ROCK2: variants seen among roughly 807,000 people sequenced by gnomAD.
ROCK2 encodes Rho associated coiled-coil containing protein kinase 2, also known as rho-associated protein kinase 2.
A neutral mutation model predicts 195.1 loss-of-function variants in ROCK2; 61 were observed. The ratio of observed to expected loss-of-function variants is 0.31; its 90% CI spans 0.25 to 0.39. ROCK2 has a LOEUF of 0.39. Among genes scored for constraint, ROCK2 ranks in the 10% least tolerant of loss-of-function variants. The pLI is 1.00. For missense variants in ROCK2, 1,109 were observed against 1,637.4 expected, an observed-to-expected ratio of 0.68 and a Z score of 5.57; for synonymous variants, 504 against 545.5, an observed-to-expected ratio of 0.92 and a Z score of 1.06.
chr2:11,289,123 A>T (rs1291767641), intron 1 of ROCK2, among the ~76,000 whole-genome samples: 3 of 152,178 alleles, frequency 2.0e-5, no homozygotes, highest in East Asian at 3.8e-4. Flanking sequence ...TATCCCACTG[A>T]TATCTAATAC....
chr2:11,336,191 A>G (rs1018667998), intron 1 of ROCK2, among the ~76,000 whole-genome samples: 2 of 152,196 alleles, frequency 1.3e-5, no homozygotes, highest in African/African-American at 4.8e-5. Flanking sequence ...AATAAAATCT[A>G]TGTTTCCCTC....
intron 1 of ROCK2, among the ~76,000 whole-genome samples, chr2:11,303,872 T>C (rs1382540184): frequency 6.6e-6 from 1 of 152,216 alleles, no homozygotes; most frequent in Admixed American, 6.5e-5. Context: ...ACTTGACCTA[T>C]AAACATCTTT....
At chr2:11,286,451 T>G in intron 3 of ROCK2, 88 bp downstream of exon 3, 1 of 808,976 alleles carries the variant, frequency 1.2e-6, no homozygotes, top group Non-Finnish European at 2.0e-6. Context: ...TGGGTGGGCA[T>G]AGAAATTAGA....
At chr2:11,315,802 T>C (rs2148238223) in intron 1 of ROCK2, among the ~76,000 whole-genome samples, 1 of 152,232 alleles carries the variant, frequency 6.6e-6, no homozygotes, top group African/African-American at 2.4e-5. Flanking sequence ...AAGTACATTA[T>C]TAAATTACAT....
In ROCK2 at chr2:11,211,780, C is replaced by G; in HGVS notation, c.2104G>C (p.Glu702Gln). Residue 702 changes from glutamate (E) to glutamine (Q), a missense_variant, in exon 18 of 33, where the codon GAA becomes CAA. Physicochemically the swap from Glu to Gln is conservative, Grantham distance 29. Transcript: ENST00000315872. ...YQLKVIQQSL[E>Q]QEEAEHKATK... ...GCCTTATGTTCAGCTTCTTCTTGTT[C>G]TAGGCTCTGCTGTATAACTTTTAGT... is the stretch of plus-strand genomic sequence containing the variant. 1 of 1,613,086 alleles carries G rather than the reference C, an allele frequency of 6.2e-7. No individual in the cohort carries two copies. Among genetic ancestry groups the G allele is most frequent in the Non-Finnish European group, 8.5e-7 (1 of 1,179,568 alleles).
At chr2:11,263,234 T>C (rs1198432006) in intron 3 of ROCK2, among the ~76,000 whole-genome samples, 1 of 152,196 alleles carries the variant, frequency 6.6e-6, no homozygotes. Context: ...TAAAAGCCAG[T>C]GGATGCCCAG....
chr2:11,201,237 G>A lies in ROCK2; in HGVS notation c.2723+73C>T, dbSNP rs778969061. The A allele has an allele frequency of 4.0e-6, 6 of 1,509,854 alleles. No homozygotes were observed. The Admixed American group carries it at 7.5e-5, about 19-fold the overall frequency. 93.5% of individuals were successfully genotyped at this position (1,509,854 alleles called of 1,614,324 possible). A position where few individuals can be genotyped will look rare whatever the true frequency, so the allele number is the denominator to read the frequency against. The stretch of plus-strand genomic sequence containing the variant: ...CACTTCATCAATAATTTTTTATTTG[G>A]TGATTACCAGGCATTGTTCTAGGAG... On this transcript the variant is annotated intron_variant, in intron 22 of 32. Coordinates refer to ENST00000315872, the MANE Select transcript of ROCK2 (RefSeq NM_004850.5). This position sits in a 1 kb window ranked among gnomAD's most constrained non-coding sequence, Gnocchi z 4.6.
Position 11,181,269 on chromosome 2 carries a change from T to C in ROCK2, c.*2168A>G, listed in dbSNP as rs1025674769. 2.7e-5 allele frequency: 4 copies of C among 149,408 alleles called. No homozygotes were observed. The highest frequency in any genetic ancestry group is 7.3e-5 in the African/African-American group (3 of 41,010). 9.3% of individuals were successfully genotyped at this position (149,408 alleles called of 1,614,324 possible). ...AATGTAACAAAATCTTTATATAAAA[T>C]ATTAATTCAGTCTCCTTTTAACAAC... On this transcript the variant is annotated 3_prime_UTR_variant, in exon 33 of 33. Coordinates refer to ENST00000315872, the MANE Select transcript of ROCK2 (RefSeq NM_004850.5).
At chr2:11,210,181 T>C (rs1293689715) in intron 18 of ROCK2, among the ~76,000 whole-genome samples, 2 of 152,146 alleles carry the variant, frequency 1.3e-5, no homozygotes, top group East Asian at 1.9e-4. Flanking sequence ...TTGAAAAAAA[T>C]GGTAGTTAAT....
Position 11,216,226 on chromosome 2 carries a change from A to T in ROCK2, c.1413-20T>A. 1 of 1,503,912 alleles carries T rather than the reference A, an allele frequency of 6.6e-7. No individual in the cohort carries two copies. The highest frequency in any genetic ancestry group is 1.7e-4 in the Middle Eastern group (1 of 5,816). The allele number at this position is 1,503,912 out of a possible 1,614,324, so 93.2% of individuals were successfully genotyped here. ...ACAGATCTAAAGAATTTCAGAAAGA[A>T]ACAGTAAATAACTTCTAATTTACAA... is the stretch of plus-strand genomic sequence containing the variant. On this transcript the variant is annotated intron_variant, in intron 12 of 32. Transcript: ENST00000315872.
At chr2:11,305,680 TTG>T (rs1271680687) in intron 1 of ROCK2, among the ~76,000 whole-genome samples, 1 of 152,196 alleles carries the variant, frequency 6.6e-6, no homozygotes, top group Non-Finnish European at 1.5e-5. Flanking sequence ...TTGTAGCATC[TTG>T]TGCCAAAAAG....
chr2:11,321,310 G>A (rs893207942), intron 1 of ROCK2, among the ~76,000 whole-genome samples: 13 of 151,934 alleles, frequency 8.6e-5, no homozygotes, highest in African/African-American at 2.9e-4. Context: ...CGAGTAGCTG[G>A]AACTACAGGT....
rs1663839028 is a variant in ROCK2 at position 11,201,217 on chromosome 2, CA to C, written c.2724-75del. On this transcript the variant is annotated intron_variant, in intron 22 of 32. Coordinates refer to ENST00000315872, the MANE Select transcript of ROCK2 (RefSeq NM_004850.5). This position sits in a 1 kb window ranked among gnomAD's most constrained non-coding sequence, Gnocchi z 4.6. Reference sequence around the variant, plus strand: ...GTGAAAGTTTTTGTCTAATTCACTTCATCAATAATTTTTTATTTGGTGATTA... The same window carrying C: ...GTGAAAGTTTTTGTCTAATTCACTTCTCAATAATTTTTTATTTGGTGATTA... The C allele has an allele frequency of 6.5e-7, 1 of 1,533,454 alleles. No individual in the cohort carries two copies. The highest frequency in any genetic ancestry group is 8.9e-7 in the Non-Finnish European group (1 of 1,126,726). The allele number at this position is 1,533,454 out of a possible 1,614,324, so 95.0% of individuals were successfully genotyped here.
chr2:11,247,476 A>C (rs941253659), intron 4 of ROCK2, among the ~76,000 whole-genome samples: 18 of 152,352 alleles, frequency 1.2e-4, no homozygotes, highest in African/African-American at 4.3e-4. Context: ...AATCGGATTT[A>C]CTTTTTCAAT....
chr2:11,220,380 C>A (rs758909378), intron 9 of ROCK2, among the ~76,000 whole-genome samples: 32 of 152,050 alleles, frequency 2.1e-4, no homozygotes, highest in Admixed American at 6.6e-4. Flanking sequence ...AACTCCTGGG[C>A]TCAAGCTATC....
intron 3 of ROCK2, 86 bp downstream of exon 3, chr2:11,286,453 G>C (rs1667193177): frequency 1.2e-6 from 1 of 824,576 alleles, no homozygotes; most frequent in Non-Finnish European, 2.0e-6. Context: ...GGTGGGCATA[G>C]AAATTAGATC....
intron 4 of ROCK2, among the ~76,000 whole-genome samples, chr2:11,243,753 AAATG>A (rs1327124554): frequency 1.3e-4 from 20 of 152,228 alleles, no homozygotes; most frequent in Admixed American, 5.9e-4. Context: ...CACGATAACT[AAATG>A]TAATGTGGCA....
chr2:11,252,622 TA>T (rs1221093640), intron 3 of ROCK2, among the ~76,000 whole-genome samples: 17 of 151,892 alleles, frequency 1.1e-4, no homozygotes, highest in Admixed American at 1.3e-4. Context: ...TATGCAGCCA[TA>T]AAAAAGGATG....
At chr2:11,276,684 GTTA>G (rs1437599925) in intron 3 of ROCK2, among the ~76,000 whole-genome samples, 5 of 152,096 alleles carry the variant, frequency 3.3e-5, no homozygotes, top group African/African-American at 9.7e-5. Context: ...AACAAAAACT[GTTA>G]TTTTCATGTT....
Sources: allele counts gnomAD v4.1 joint callset (sites outside exome capture counted in the v4.1 genomes callset), GRCh38; gene constraint gnomAD v4.1.1; non-coding constraint Gnocchi (gnomAD v3.1); transcripts MANE v1.5; gene names NCBI Gene and HGNC (gene_info 2026-07-23, HGNC 2026-07-21).